Variants in PGM2 observed in about 807,000 individuals in gnomAD.
PGM2 encodes phosphopentomutase.
Under a neutral mutation model 74.6 loss-of-function variants are expected in PGM2, and 57 were observed. The ratio of observed to expected loss-of-function variants is 0.76; its 90% CI spans 0.62 to 0.95. The LOEUF is 0.95. PGM2 is among the 40% of genes least tolerant of loss of function. The pLI is 0.00. For missense variants in PGM2, 706 were observed against 741.9 expected, an observed-to-expected ratio of 0.95 and a Z score of 0.56; for synonymous variants, 273 against 260.7, an observed-to-expected ratio of 1.05 and a Z score of -0.46.
At chr4:37,855,835 T>C in intron 13 of PGM2, 94 bp downstream of exon 13, 1 of 1,054,060 alleles carries the variant, frequency 9.5e-7, no homozygotes. Flanking sequence ...ATCTTTCTAA[T>C]AGGTAATTTA....
chr4:37,853,686 C>A (rs1044946820), intron 12 of PGM2, among the ~76,000 whole-genome samples: 2 of 152,168 alleles, frequency 1.3e-5, no homozygotes, highest in African/African-American at 4.8e-5. Flanking sequence ...TTTAATGAGA[C>A]CTTAATCACC....
At chr4:37,852,220 C>T (rs950289488) in intron 12 of PGM2, among the ~76,000 whole-genome samples, 1 of 146,922 alleles carries the variant, frequency 6.8e-6, no homozygotes, top group Non-Finnish European at 1.5e-5. Flanking sequence ...CCTGCCTTAG[C>T]CTCCCAAAGT....
intron 1 of PGM2, among the ~76,000 whole-genome samples, chr4:37,828,781 C>T (rs1725362252): frequency 6.6e-6 from 1 of 152,206 alleles, no homozygotes; most frequent in African/African-American, 2.4e-5. Context: ...ATTCACTCCA[C>T]TAATATTTAT....
At chr4:37,835,677 T>C (rs1382286434) in intron 3 of PGM2, among the ~76,000 whole-genome samples, 1 of 152,222 alleles carries the variant, frequency 6.6e-6, no homozygotes, top group Non-Finnish European at 1.5e-5. Context: ...TATAGAGTCC[T>C]ATCTTTGCCC....
chr4:37,853,970 C>A (rs541205610), intron 12 of PGM2, among the ~76,000 whole-genome samples: 55 of 152,290 alleles, frequency 3.6e-4, no homozygotes, highest in Non-Finnish European at 7.2e-4. Flanking sequence ...TGCTTTCCAC[C>A]CCTGCCTCAC....
Position 37,838,399 on chromosome 4 carries a change from A to G in PGM2, c.441+786A>G, listed in dbSNP as rs114561943. ...GCATATTTGAGTAAGACTTTCATCA[A>G]ATCCTTCATGTAGCACAATCTAAAG... On this transcript the variant is annotated intron_variant, in intron 4 of 13. Coordinates refer to ENST00000381967, the MANE Select transcript of PGM2 (RefSeq NM_018290.4). 6.6e-3 allele frequency among the ~76,000 whole-genome samples: 1,009 copies of G among 152,312 alleles called. 22 individuals are homozygous for G. Among genetic ancestry groups the G allele is most frequent in the African/African-American group, 0.023 (954 of 41,564 alleles).
intron 6 of PGM2, among the ~76,000 whole-genome samples, chr4:37,844,026 C>T (rs28640157): frequency 0.082 from 12,491 of 152,094 alleles, 983 homozygotes; most frequent in East Asian, 0.18. Context: ...GGAACTGTCC[C>T]GGGCTGGCTG....
In PGM2 at chr4:37,847,002, AAG is replaced by A. The variant is rs1295693417; in HGVS notation, c.1083_1084del (p.Lys362GlufsTer34). ...GGCTGGTGGCTTTTTACATCTTGGA[AAG>A]AGAAGAACCAGGATCGCAGTGCTCT... On this transcript the variant is annotated frameshift_variant, in exon 9 of 14. Transcript: ENST00000381967. LOFTEE classifies it high-confidence loss of function. 1 of 1,613,858 alleles carries A rather than the reference AAG, an allele frequency of 6.2e-7. No homozygotes were observed. The highest frequency in any genetic ancestry group is 8.5e-7 in the Non-Finnish European group (1 of 1,179,766).
intron 4 of PGM2, among the ~76,000 whole-genome samples, chr4:37,838,559 G>A (rs1560414050): frequency 6.6e-6 from 1 of 152,186 alleles, no homozygotes; most frequent in African/African-American, 2.4e-5. Flanking sequence ...AAATGAGACT[G>A]TATTGCTACA....
rs138148768 is a variant in PGM2 at position 37,848,568 on chromosome 4, C to G, written c.1329C>G (p.Ala443=). 6.2e-7 allele frequency: 1 copy of G among 1,613,384 alleles called. No homozygotes were observed. Among genetic ancestry groups the G allele is most frequent in the Admixed American group, 1.7e-5 (1 of 60,016 alleles). Residue 443 remains alanine, a synonymous_variant, in exon 11 of 14, where the codon GCC becomes GCG. Transcript: ENST00000381967. ...PFVLDKDGVS[A]AVISAELASF... is the part of the protein sequence containing the mutation. ...TTCTGGACAAAGATGGAGTCAGTGC[C>G]GCTGTCATAAGTGCAGAGTTGGCTA...
At position 37,861,355 on chromosome 4, in the gene PGM2, G is replaced by A. The variant is rs183980752; in HGVS notation, c.1737-155G>A. Among the ~76,000 whole-genome samples the A allele has an allele frequency of 2.2e-3, 334 of 152,236 alleles. 2 individuals are homozygous for A. The highest frequency in any genetic ancestry group is 3.7e-3 in the Non-Finnish European group (254 of 68,022). On this transcript the variant is annotated intron_variant, in intron 13 of 13. Coordinates refer to ENST00000381967, the MANE Select transcript of PGM2 (RefSeq NM_018290.4). ...GTGTTTTGTCTAAGTCAATAGATGT[G>A]TTCCATGCTTAAGTCTCTGGAGTTC...
chr4:37,831,192 C>CAAAAAAAAAAAAAAA lies in PGM2; in HGVS notation c.249+1068_249+1082dup, dbSNP rs11432971. 2.7e-5 allele frequency among the ~76,000 whole-genome samples: 2 copies of CAAAAAAAAAAAAAAA among 74,090 alleles called. 1 individual carries two copies. The highest frequency in any genetic ancestry group is 4.9e-5 in the Non-Finnish European group (2 of 40,990). 48.6% of individuals were successfully genotyped at this position (74,090 alleles called of 152,430 possible). On this transcript the variant is annotated intron_variant, in intron 2 of 13. Coordinates refer to ENST00000381967, the MANE Select transcript of PGM2 (RefSeq NM_018290.4). ...TGGGCAACAGAGCAAGACTCTGTCTCAAAAAAAAAAAAAAAAAAAAAGAAT... is the reference window on the plus strand; with the variant it reads ...TGGGCAACAGAGCAAGACTCTGTCTCAAAAAAAAAAAAAAAAAAAAAAAAAAAAAAAAAAAAGAAT...
chr4:37,854,794 C>G (rs1726147565), intron 12 of PGM2, among the ~76,000 whole-genome samples: 1 of 151,402 alleles, frequency 6.6e-6, no homozygotes, highest in Non-Finnish European at 1.5e-5. Flanking sequence ...AAGTCAATAT[C>G]TTGTGAAATG....
At chr4:37,834,574 A>G (rs762851686) in intron 2 of PGM2, 44 bp from the exon 3 acceptor site, 1 of 1,013,046 alleles carries the variant, frequency 9.9e-7, no homozygotes, top group Non-Finnish European at 1.5e-6. Context: ...GTATATATAA[A>G]AATATGTTAA....
Position 37,862,160 on chromosome 4 carries a change from A to C in PGM2, c.*548A>C, listed in dbSNP as rs923130744. 6.6e-6 allele frequency: 1 copy of C among 152,444 alleles called. No individual in the cohort carries two copies. The highest frequency in any genetic ancestry group is 1.5e-5 in the Non-Finnish European group (1 of 68,232). The allele number at this position is 152,444 out of a possible 1,614,324, so 9.4% of individuals were successfully genotyped here. A position where few individuals can be genotyped will look rare whatever the true frequency, so the allele number is the denominator to read the frequency against. ...TGAAGTAGAGCAAAGATGCTTTAAA[A>C]AGATAAGTTTTTTTGAACTAAATTT... On this transcript the variant is annotated 3_prime_UTR_variant, in exon 14 of 14. Coordinates refer to ENST00000381967, the MANE Select transcript of PGM2 (RefSeq NM_018290.4).
intron 12 of PGM2, among the ~76,000 whole-genome samples, chr4:37,850,682 A>G (rs1232469622): frequency 1.3e-5 from 2 of 151,922 alleles, no homozygotes; most frequent in Non-Finnish European, 2.9e-5. Context: ...TAAAAACCGC[A>G]GGCTAGAACT....
At chr4:37,855,190 C>G (rs1330708062) in intron 12 of PGM2, among the ~76,000 whole-genome samples, 1 of 152,076 alleles carries the variant, frequency 6.6e-6, no homozygotes, top group Non-Finnish European at 1.5e-5. Context: ...AAACTCCCCT[C>G]CCTTATCCCC....
At chr4:37,833,305 G>A (rs548013308) in intron 2 of PGM2, among the ~76,000 whole-genome samples, 5 of 152,198 alleles carry the variant, frequency 3.3e-5, no homozygotes, top group Admixed American at 2.0e-4. Flanking sequence ...CCTGTAATCC[G>A]AGCACTTTAG....
chr4:37,840,308 G>A (rs1002660598), intron 6 of PGM2, 49 bp downstream of exon 6: 2 of 1,115,422 alleles, frequency 1.8e-6, no homozygotes, highest in African/African-American at 3.1e-5. Context: ...ATGTGATTCA[G>A]CCAAATTCTA....
Sources: gnomAD v4.1 joint callset for allele counts (sites outside exome capture counted in the v4.1 genomes callset) on GRCh38, gnomAD v4.1.1 for gene constraint, MANE v1.5 for transcripts, NCBI Gene and HGNC (gene_info 2026-07-23, HGNC 2026-07-21) for gene names.